Variants in GAS7 observed in about 807,000 individuals in gnomAD.
GAS7 encodes the protein growth arrest-specific protein 7.
A neutral mutation model predicts 71.1 loss-of-function variants in GAS7; 28 were observed. The observed-to-expected ratio is 0.39, with a 90% CI of 0.29 to 0.54. The LOEUF (loss-of-function observed/expected upper bound fraction) is 0.54, where lower values mean the gene tolerates loss of function less well. Among genes scored for constraint, GAS7 ranks in the 20% least tolerant of loss-of-function variants. The pLI is 0.62. For missense variants in GAS7, 436 were observed against 627.8 expected (o/e 0.69, Z 3.27); for synonymous variants, 258 against 245.8 (o/e 1.05, Z -0.46).
intron 1 of GAS7, among the ~76,000 whole-genome samples, chr17:10,130,834 C>T (rs998834660): frequency 1.3e-5 from 2 of 152,090 alleles, no homozygotes; most frequent in African/African-American, 4.8e-5. Context: ...GATAAGTGGC[C>T]GCCTAAGGAA....
chr17:10,118,383 T>TG, intron 1 of GAS7, among the ~76,000 whole-genome samples: 1 of 152,252 alleles, frequency 6.6e-6, no homozygotes, highest in East Asian at 1.9e-4. Flanking sequence ...CGGCCTGCCC[T>TG]GGGGGCCCTC....
At chr17:10,154,823 T>C (rs546001373) in intron 1 of GAS7, among the ~76,000 whole-genome samples, 1 of 151,868 alleles carries the variant, frequency 6.6e-6, no homozygotes, top group East Asian at 1.9e-4. Context: ...TGAAAAGTGG[T>C]GCTCACTGCA....
rs5819261 is a variant in GAS7 at position 10,045,040 on chromosome 17, C to CAAA, written c.184-25146_184-25144dup. On this transcript the variant is annotated intron_variant, in intron 1 of 13. Transcript: ENST00000432992. ...CGGGCGACAGAGCGAGACTCCATCTCAAAAAAAAAAAAAAAAAAAAGTGTC... is the reference window on the plus strand; with the variant it reads ...CGGGCGACAGAGCGAGACTCCATCTCAAAAAAAAAAAAAAAAAAAAAAAGTGTC... Among the ~76,000 whole-genome samples, 312 of 82,118 alleles carry CAAA rather than the reference C, an allele frequency of 3.8e-3. 2 individuals are homozygous for CAAA. Among genetic ancestry groups the CAAA allele is most frequent in the Admixed American group, 6.8e-3 (47 of 6,932 alleles). 53.9% of individuals were successfully genotyped at this position (82,118 alleles called of 152,430 possible).
At chr17:10,183,353 C>T (rs1260433395) in intron 1 of GAS7, among the ~76,000 whole-genome samples, 1 of 152,122 alleles carries the variant, frequency 6.6e-6, no homozygotes, top group East Asian at 1.9e-4. Flanking sequence ...AAAGGGTCCC[C>T]CTACTTCCCC....
intron 5 of GAS7, among the ~76,000 whole-genome samples, chr17:9,951,720 G>A (rs2069016023): frequency 1.6e-5 from 2 of 128,158 alleles, no homozygotes; most frequent in African/African-American, 5.8e-5. Context: ...TTGCGCCATT[G>A]CATCATTCCA....
At chr17:10,193,696 G>A (rs1003707091) in intron 1 of GAS7, among the ~76,000 whole-genome samples, 9 of 152,168 alleles carry the variant, frequency 5.9e-5, no homozygotes, top group Admixed American at 4.6e-4. Context: ...GGAGAAAGGC[G>A]CCACATGGAA....
intron 1 of GAS7, among the ~76,000 whole-genome samples, chr17:10,119,937 C>T (rs910622643): frequency 6.6e-6 from 1 of 152,150 alleles, no homozygotes; most frequent in Admixed American, 6.5e-5. Context: ...GGATGTCACA[C>T]CCAGGCACAC....
chr17:10,027,258 G>A (rs1451939292), intron 1 of GAS7, among the ~76,000 whole-genome samples: 1 of 152,136 alleles, frequency 6.6e-6, no homozygotes, highest in Non-Finnish European at 1.5e-5. Flanking sequence ...ATGAATGAAT[G>A]AGTGAATGAA....
chr17:9,995,531 G>C (rs2071006090), intron 2 of GAS7, among the ~76,000 whole-genome samples: 1 of 67,178 alleles, frequency 1.5e-5, no homozygotes, highest in Non-Finnish European at 2.8e-5. Context: ...AATTGCAAAT[G>C]ATCAATAACA....
At chr17:9,947,605 G>A (rs746136194) in intron 5 of GAS7, among the ~76,000 whole-genome samples, 5 of 152,054 alleles carry the variant, frequency 3.3e-5, no homozygotes, top group African/African-American at 4.8e-5. Flanking sequence ...TTAGCTGGGC[G>A]TAGTGGCGCA....
intron 2 of GAS7, among the ~76,000 whole-genome samples, chr17:9,998,844 T>C (rs2071152076): frequency 6.6e-6 from 1 of 152,122 alleles, no homozygotes; most frequent in Non-Finnish European, 1.5e-5. Flanking sequence ...AAATGCCCTT[T>C]TTTCATAAGT....
chr17:10,029,812 A>G (rs964192386), intron 1 of GAS7, among the ~76,000 whole-genome samples: 2 of 152,060 alleles, frequency 1.3e-5, no homozygotes, highest in African/African-American at 2.4e-5. Flanking sequence ...AGATCATGCC[A>G]CTGCACTCCA....
At chr17:9,967,474 A>C (rs2069766554) in intron 4 of GAS7, among the ~76,000 whole-genome samples, 1 of 152,152 alleles carries the variant, frequency 6.6e-6, no homozygotes, top group African/African-American at 2.4e-5. Context: ...CAAAAGTCCC[A>C]ATTGATAGCC....
intron 1 of GAS7, among the ~76,000 whole-genome samples, chr17:10,130,180 CA>C (rs59352739): frequency 7.1e-6 from 1 of 140,564 alleles, no homozygotes; most frequent in African/African-American, 2.7e-5. Flanking sequence ...AAAAAAAAAA[CA>C]AAAAAAAACA....
At chr17:10,044,996 G>A (rs139492053) in intron 1 of GAS7, among the ~76,000 whole-genome samples, 2,322 of 147,870 alleles carry the variant, frequency 0.016, 54 homozygotes, top group African/African-American at 0.055. Flanking sequence ...AGCAGAGATC[G>A]TGCCACTGCA....
intron 1 of GAS7, among the ~76,000 whole-genome samples, chr17:10,086,770 G>A (rs939843710): frequency 4.7e-4 from 72 of 152,186 alleles, no homozygotes; most frequent in African/African-American, 1.3e-3. Context: ...TTCAGTCCTA[G>A]GCATTTCCAG....
intron 2 of GAS7, among the ~76,000 whole-genome samples, chr17:10,013,410 C>T (rs982520070): frequency 3.3e-5 from 5 of 152,172 alleles, no homozygotes; most frequent in Admixed American, 1.3e-4. Context: ...TATCCCAAAC[C>T]GTTAGCAACA....
chr17:9,944,325 G>A (rs369181784), intron 6 of GAS7, among the ~76,000 whole-genome samples: 21 of 152,200 alleles, frequency 1.4e-4, no homozygotes, highest in African/African-American at 4.8e-4. Context: ...AATGGAAGGT[G>A]TTCAGAACAG....
In GAS7 at chr17:9,959,263, G is replaced by A. The variant is rs775231277; in HGVS notation, c.472-8C>T. On this transcript the variant is annotated splice_polypyrimidine_tract_variant and splice_region_variant and intron_variant, in intron 4 of 13. Transcript: ENST00000432992. The surrounding 1 kb of genome is among the most constrained non-coding windows in gnomAD (Gnocchi z 5.0). ...CGATGAGGATCCCAGGTTCTGGGGA[G>A]AGAGGCAAGAAACATCGTCAAAGCT... The A allele has an allele frequency of 3.1e-6, 5 of 1,613,918 alleles. No individual in the cohort carries two copies. Among genetic ancestry groups the A allele is most frequent in the Non-Finnish European group, 4.2e-6 (5 of 1,179,888 alleles).
Sources: gnomAD v4.1 joint callset for allele counts (sites outside exome capture counted in the v4.1 genomes callset) on GRCh38, gnomAD v4.1.1 for gene constraint, Gnocchi (gnomAD v3.1) non-coding constraint, MANE v1.5 for transcripts, NCBI Gene and HGNC (gene_info 2026-07-23, HGNC 2026-07-21) for gene names.